The following INTS14 variants were observed in gnomAD, a reference collection of about 807,000 sequenced individuals.
INTS14 encodes integrator complex subunit 14.
Under a neutral mutation model 56.9 loss-of-function variants are expected in INTS14, and 27 were observed. That is an observed-to-expected ratio of 0.47 (90% CI 0.35 to 0.65). The LOEUF (loss-of-function observed/expected upper bound fraction) is 0.65, where lower values mean the gene tolerates loss of function less well. Among genes scored for constraint, INTS14 ranks in the 30% least tolerant of loss-of-function variants. The probability of loss-of-function intolerance (pLI) is 0.00; values close to 1 mark genes in which losing one functional copy is unlikely to be tolerated. For missense variants in INTS14, 517 were observed against 632.2 expected, an observed-to-expected ratio of 0.82 and a Z score of 1.95; for synonymous variants, 207 against 236.2, an observed-to-expected ratio of 0.88 and a Z score of 1.13.
At chr15:65,603,315 A>G (rs2141316140) in intron 3 of INTS14, among the ~76,000 whole-genome samples, 2 of 152,340 alleles carry the variant, frequency 1.3e-5, no homozygotes, top group Non-Finnish European at 2.9e-5. Context: ...ACTTACATGC[A>G]GTAAAATCAC....
chr15:65,589,973 T>C (rs771777902), intron 9 of INTS14, among the ~76,000 whole-genome samples: 23 of 152,244 alleles, frequency 1.5e-4, no homozygotes, highest in Middle Eastern at 3.4e-3. Flanking sequence ...TCTTCCCAAA[T>C]TTACTCTTCT....
At chr15:65,588,581 T>C (rs1166041299) in intron 9 of INTS14, among the ~76,000 whole-genome samples, 7 of 151,694 alleles carry the variant, frequency 4.6e-5, no homozygotes, top group Non-Finnish European at 2.9e-5. Context: ...GGCAGAAGAA[T>C]TGCTTGAACC....
intron 4 of INTS14, among the ~76,000 whole-genome samples, 185 bp from the exon 5 acceptor site, chr15:65,599,175 C>T (rs1419872087): frequency 2.0e-5 from 3 of 152,098 alleles, no homozygotes; most frequent in African/African-American, 7.2e-5. Context: ...AGGAATGTTA[C>T]GTAAAATAAC....
intron 1 of INTS14, among the ~76,000 whole-genome samples, chr15:65,610,313 C>T (rs1013165781): frequency 1.3e-5 from 2 of 152,142 alleles, no homozygotes; most frequent in African/African-American, 2.4e-5. Flanking sequence ...GAGCCGAGAT[C>T]GCGCCACTGC....
chr15:65,580,391 T>TA (rs954504705), intron 11 of INTS14, among the ~76,000 whole-genome samples: 9 of 152,100 alleles, frequency 5.9e-5, no homozygotes, highest in Admixed American at 2.6e-4. Context: ...TATCATCTGT[T>TA]AAAAAAGTGG....
chr15:65,579,832 A>C (rs1351802320), intron 11 of INTS14, among the ~76,000 whole-genome samples, 173 bp from the exon 12 acceptor site: 1 of 152,210 alleles, frequency 6.6e-6, no homozygotes, highest in Non-Finnish European at 1.5e-5. Context: ...TTTTACTGGG[A>C]AGTGGTTCCT....
At chr15:65,607,520 G>T in intron 1 of INTS14, 78 bp from the exon 2 acceptor site, 1 of 1,445,714 alleles carries the variant, frequency 6.9e-7, no homozygotes, top group Non-Finnish European at 9.2e-7. Flanking sequence ...TAACTTCTCA[G>T]AAATTAGCAG....
Position 65,607,331 on chromosome 15 carries a change from A to G in INTS14, c.50T>C (p.Val17Ala), listed in dbSNP as rs1465757763. The G allele has an allele frequency of 6.2e-7, 1 of 1,614,196 alleles. No individual in the cohort carries two copies. Among genetic ancestry groups the G allele is most frequent in the Non-Finnish European group, 8.5e-7 (1 of 1,180,040 alleles). Residue 17 changes from valine (V) to alanine (A), a missense_variant, in exon 2 of 12, where the codon GTG (valine) becomes GCG (alanine). By Grantham distance (64) the Val-to-Ala change is moderately conservative. Transcript: ENST00000313182. ...MDVSLSMTRP[V>A]SIEGSEEYQR... ...GTATTCCTCGGACCCCTCAATAGAC[A>G]CAGGTCGGGTCATGGAAAGGGATAC...
At chr15:65,584,953 G>A in intron 9 of INTS14, 65 bp from the exon 10 acceptor site, 2 of 1,331,004 alleles carry the variant, frequency 1.5e-6, no homozygotes, top group Non-Finnish European at 2.1e-6. Context: ...TTTCCATTTA[G>A]ACTAGAAGCT....
At chr15:65,607,106 T>C in intron 2 of INTS14, 53 bp downstream of exon 2, 1 of 1,591,276 alleles carries the variant, frequency 6.3e-7, no homozygotes, top group Non-Finnish European at 8.6e-7. Context: ...AACACTGTTT[T>C]CCTCCCAATA....
chr15:65,579,795 G>C, intron 11 of INTS14, 136 bp from the exon 12 acceptor site: 1 of 1,307,806 alleles, frequency 7.6e-7, no homozygotes, highest in South Asian at 1.6e-5. Flanking sequence ...TGTTTATTTA[G>C]GGATGCCAGT....
chr15:65,605,888 T>C (rs953710620), intron 2 of INTS14, among the ~76,000 whole-genome samples: 1 of 152,178 alleles, frequency 6.6e-6, no homozygotes, highest in Non-Finnish European at 1.5e-5. Flanking sequence ...AATATCCTTT[T>C]ACAGGAAAAG....
intron 10 of INTS14, among the ~76,000 whole-genome samples, chr15:65,582,386 C>G (rs2072657515): frequency 6.6e-6 from 1 of 152,108 alleles, no homozygotes; most frequent in Non-Finnish European, 1.5e-5. Flanking sequence ...AAAGTTGGAC[C>G]CTTACATCAT....
intron 6 of INTS14, among the ~76,000 whole-genome samples, chr15:65,597,419 T>C (rs1019239902): frequency 2.6e-5 from 4 of 152,212 alleles, no homozygotes; most frequent in Non-Finnish European, 5.9e-5. Context: ...AGATTTAACA[T>C]GCACCTAAGA....
chr15:65,600,139 TA>T (rs2073375217), intron 3 of INTS14, among the ~76,000 whole-genome samples: 1 of 150,972 alleles, frequency 6.6e-6, no homozygotes, highest in Non-Finnish European at 1.5e-5. Flanking sequence ...ACCCCATCTC[TA>T]AAAAAACTTA....
chr15:65,581,768 C>T (rs762449851), intron 11 of INTS14, among the ~76,000 whole-genome samples, 186 bp downstream of exon 11: 3 of 151,886 alleles, frequency 2.0e-5, no homozygotes, highest in South Asian at 4.1e-4. Context: ...AGAATTAGGC[C>T]ATTTAAATTC....
chr15:65,580,273 T>C (rs1238479708), intron 11 of INTS14, among the ~76,000 whole-genome samples: 1 of 152,140 alleles, frequency 6.6e-6, no homozygotes, highest in Admixed American at 6.6e-5. Context: ...AACCCCTTCC[T>C]TACCCACTGC....
At chr15:65,610,519 T>C (rs904750741) in intron 1 of INTS14, among the ~76,000 whole-genome samples, 5 of 140,502 alleles carry the variant, frequency 3.6e-5, no homozygotes, top group Non-Finnish European at 6.0e-5. Flanking sequence ...TCAGGAACAG[T>C]CTGAGAAATA....
intron 8 of INTS14, among the ~76,000 whole-genome samples, chr15:65,592,735 T>C (rs1051237542): frequency 3.9e-5 from 6 of 152,170 alleles, no homozygotes; most frequent in Admixed American, 3.9e-4. Flanking sequence ...TCAATGTTAT[T>C]AGCATCTTTT....
Sources: allele counts gnomAD v4.1 joint callset (sites outside exome capture counted in the v4.1 genomes callset), GRCh38; gene constraint gnomAD v4.1.1; transcripts MANE v1.5; gene names NCBI Gene and HGNC (gene_info 2026-07-23, HGNC 2026-07-21).